STRN: variants seen among roughly 807,000 people sequenced by gnomAD.
STRN encodes the protein protein phosphatase 2 regulatory subunit B'''alpha.
A neutral mutation model predicts 96.3 loss-of-function variants in STRN; 53 were observed. The observed-to-expected ratio is 0.55, with a 90% CI of 0.44 to 0.69. The LOEUF (loss-of-function observed/expected upper bound fraction) is 0.69. STRN is among the 30% of genes least tolerant of loss of function. STRN has a pLI of 0.00. For missense variants in STRN, 987 were observed against 963.9 expected, an observed-to-expected ratio of 1.02 and a Z score of -0.32; for synonymous variants, 428 against 355.9, an observed-to-expected ratio of 1.20 and a Z score of -2.28.
At chr2:36,916,760 G>A (rs952725121) in intron 2 of STRN, among the ~76,000 whole-genome samples, 4 of 152,062 alleles carry the variant, frequency 2.6e-5, no homozygotes, top group African/African-American at 9.7e-5. Context: ...AAAGAACTGT[G>A]AATGGGAATA....
intron 9 of STRN, among the ~76,000 whole-genome samples, chr2:36,880,184 T>C (rs982982732): frequency 5.9e-5 from 9 of 152,214 alleles, no homozygotes; most frequent in Admixed American, 1.3e-4. Context: ...GCCAGGCTGG[T>C]CTCAAACTCC....
At chr2:36,954,697 C>T (rs1448768327) in intron 1 of STRN, among the ~76,000 whole-genome samples, 6 of 150,274 alleles carry the variant, frequency 4.0e-5, no homozygotes, top group Admixed American at 6.6e-5. Context: ...AGTGAAATGG[C>T]GTGATCTCGG....
chr2:36,939,539 CTTATTATTA>C (rs761423690), intron 1 of STRN, among the ~76,000 whole-genome samples: 2 of 151,388 alleles, frequency 1.3e-5, no homozygotes, highest in African/African-American at 2.4e-5. Context: ...CTATTCTTTC[CTTATTATTA>C]TTATTATTAT....
intron 1 of STRN, among the ~76,000 whole-genome samples, chr2:36,941,031 T>G (rs1049667982): frequency 1.3e-5 from 2 of 151,988 alleles, no homozygotes; most frequent in Admixed American, 6.6e-5. Context: ...CACATGCCTG[T>G]AGGCCCAGCT....
At position 36,899,571 on chromosome 2, in the gene STRN, T is replaced by A. The variant is rs1558644030; in HGVS notation, c.747A>T (p.Glu249Asp). 5 of 1,613,626 alleles carry A rather than the reference T, an allele frequency of 3.1e-6. No homozygotes were observed. The highest frequency in any genetic ancestry group is 4.2e-6 in the Non-Finnish European group (5 of 1,179,872). Residue 249 changes from glutamate (E) to aspartate (D), a missense_variant, in exon 6 of 18, where the codon GAA becomes GAT. By Grantham distance (45) the Glu-to-Asp change is conservative. Transcript: ENST00000263918. ...SAAADFSDED[E>D]DDDVDGREKS... ...TCTCTCTTCCATCAACATCATCATC[T>A]TCATCTTCATCACTGAAATCTGCAG...
intron 6 of STRN, among the ~76,000 whole-genome samples, chr2:36,898,007 T>C (rs1258469020): frequency 6.6e-6 from 1 of 152,204 alleles, no homozygotes; most frequent in East Asian, 1.9e-4. Flanking sequence ...TGCTATGATC[T>C]GCACTAATTA....
intron 5 of STRN, among the ~76,000 whole-genome samples, chr2:36,901,124 A>T (rs991600264): frequency 1.6e-4 from 24 of 152,118 alleles, no homozygotes; most frequent in African/African-American, 5.8e-4. Flanking sequence ...CTTTATCCCT[A>T]CTGAAATCGG....
At chr2:36,925,676 G>C (rs1378561927) in intron 1 of STRN, among the ~76,000 whole-genome samples, 1 of 152,112 alleles carries the variant, frequency 6.6e-6, no homozygotes, top group African/African-American at 2.4e-5. Flanking sequence ...GGGAGGCTTA[G>C]GCAGGAGAAT....
intron 2 of STRN, among the ~76,000 whole-genome samples, chr2:36,919,377 A>G (rs145092038): frequency 2.4e-4 from 36 of 152,330 alleles, no homozygotes; most frequent in Non-Finnish European, 4.0e-4. Context: ...AAAGAAGGTA[A>G]CACGTGAGAT....
At chr2:36,937,014 A>G (rs1670717134) in intron 1 of STRN, among the ~76,000 whole-genome samples, 1 of 152,164 alleles carries the variant, frequency 6.6e-6, no homozygotes, top group Non-Finnish European at 1.5e-5. Context: ...TAGGACCCAG[A>G]CTCAAGCTGC....
At chr2:36,896,138 A>G (rs1669535252) in intron 6 of STRN, among the ~76,000 whole-genome samples, 1 of 152,180 alleles carries the variant, frequency 6.6e-6, no homozygotes, top group Non-Finnish European at 1.5e-5. Context: ...TGCCTGACAA[A>G]AAGAGCAGGC....
chr2:36,852,933 G>T (rs530137424), intron 15 of STRN, among the ~76,000 whole-genome samples: 101 of 152,252 alleles, frequency 6.6e-4, no homozygotes, highest in African/African-American at 2.0e-3. Context: ...GAGGCAGGCG[G>T]ATCACTTGAG....
In STRN at chr2:36,847,998, G is replaced by C. The variant is rs1320340315; in HGVS notation, c.*1458C>G. On this transcript the variant is annotated 3_prime_UTR_variant, in exon 18 of 18. Transcript: ENST00000263918. ...ATTTCTAGATTGGTCTCTGTCATTT[G>C]GGACAAAGAGTAAGAGAGACATAAA... The C allele has an allele frequency of 6.6e-6, 1 of 152,138 alleles. No individual in the cohort carries two copies. Among genetic ancestry groups the C allele is most frequent in the Non-Finnish European group, 1.5e-5 (1 of 68,030 alleles). 9.4% of individuals were successfully genotyped at this position (152,138 alleles called of 1,614,324 possible).
intron 10 of STRN, among the ~76,000 whole-genome samples, 175 bp from the exon 11 acceptor site, chr2:36,869,904 CCAACA>C (rs1668720756): frequency 6.6e-6 from 1 of 151,900 alleles, no homozygotes; most frequent in African/African-American, 2.4e-5. Context: ...TAGCAATAAC[CCAACA>C]CTAGTTTTCT....
chr2:36,859,829 A>G (rs1424425203), intron 13 of STRN, among the ~76,000 whole-genome samples: 1 of 152,266 alleles, frequency 6.6e-6, no homozygotes, highest in Non-Finnish European at 1.5e-5. Flanking sequence ...CAATACATCC[A>G]GTAAAATAAA....
At chr2:36,899,151 G>A (rs771159462) in intron 6 of STRN, among the ~76,000 whole-genome samples, 86 of 152,258 alleles carry the variant, frequency 5.6e-4, no homozygotes, top group Non-Finnish European at 9.6e-4. Context: ...GACAAAAACT[G>A]CATATATTAG....
chr2:36,899,156 T>C (rs938029520), intron 6 of STRN, among the ~76,000 whole-genome samples: 14 of 152,204 alleles, frequency 9.2e-5, no homozygotes, highest in African/African-American at 3.4e-4. Flanking sequence ...AAACTGCATA[T>C]ATTAGAGCTG....
In STRN at chr2:36,954,635, C is replaced by CT. The variant is rs1250882115; in HGVS notation, c.234+11594dup. Among the ~76,000 whole-genome samples the CT allele has an allele frequency of 3.0e-3, 420 of 141,202 alleles. 1 individual carries two copies. Among genetic ancestry groups the CT allele is most frequent in the Non-Finnish European group, 3.6e-3 (233 of 64,322 alleles). The allele number at this position is 141,202 out of a possible 152,430, so 92.6% of individuals were successfully genotyped here. On this transcript the variant is annotated intron_variant, in intron 1 of 17. Coordinates refer to ENST00000263918, the MANE Select transcript of STRN (RefSeq NM_003162.4). Reference sequence around the variant, plus strand: ...AGTATTTAAGGAAATGAGAGAACCACTTTTTTTTTTTTTTAGATGGAGTTT... The same window carrying CT: ...AGTATTTAAGGAAATGAGAGAACCACTTTTTTTTTTTTTTTAGATGGAGTTT...
At chr2:36,877,824 C>T (rs1344778992) in intron 10 of STRN, 67 bp downstream of exon 10, 4 of 1,580,950 alleles carry the variant, frequency 2.5e-6, no homozygotes, top group Middle Eastern at 1.7e-4. Flanking sequence ...CGTGAGCCAC[C>T]GCACCCAGCC....
Sources: gnomAD v4.1 joint callset for allele counts (sites outside exome capture counted in the v4.1 genomes callset) on GRCh38, gnomAD v4.1.1 for gene constraint, MANE v1.5 for transcripts, NCBI Gene and HGNC (gene_info 2026-07-23, HGNC 2026-07-21) for gene names.